The following CNTFR variants were observed in gnomAD, a reference collection of about 807,000 sequenced individuals.
CNTFR encodes ciliary neurotrophic factor receptor.
Under a neutral mutation model 40.4 loss-of-function variants are expected in CNTFR, and 12 were observed. That is an observed-to-expected ratio of 0.30 (90% confidence interval 0.19 to 0.48). The LOEUF (loss-of-function observed/expected upper bound fraction) is 0.48, where lower values mean the gene tolerates loss of function less well. CNTFR is among the 20% of genes least tolerant of loss of function. The pLI is 0.99. For synonymous variants in CNTFR, 202 were observed against 209.6 expected (o/e 0.96, Z 0.31); for missense variants, 414 against 506.8 (o/e 0.82, Z 1.76).
At chr9:34,556,024 C>G (rs73500901) in intron 7 of CNTFR, among the ~76,000 whole-genome samples, 18,134 of 149,820 alleles carry the variant, frequency 0.12, 1,266 homozygotes, top group Middle Eastern at 0.18. Context: ...CCCCAGGGAG[C>G]CACAGAAAGA....
intron 2 of CNTFR, among the ~76,000 whole-genome samples, chr9:34,578,295 G>T (rs979751657): frequency 6.6e-6 from 1 of 152,236 alleles, no homozygotes; most frequent in African/African-American, 2.4e-5. Context: ...AAGCGAGCTA[G>T]CGGAGGGAGA....
chr9:34,572,648 G>A (rs1468351985), intron 2 of CNTFR, among the ~76,000 whole-genome samples: 4 of 152,060 alleles, frequency 2.6e-5, no homozygotes, highest in Non-Finnish European at 5.9e-5. Context: ...TCAAATTCTG[G>A]GGCCCCAACT....
chr9:34,574,295 C>T (rs1435639866), intron 2 of CNTFR, among the ~76,000 whole-genome samples: 2 of 152,196 alleles, frequency 1.3e-5, no homozygotes, highest in Admixed American at 6.5e-5. Flanking sequence ...GTGTTTCTCC[C>T]TCCTGTCTCC....
At chr9:34,554,648 C>T (rs1825764497) in intron 7 of CNTFR, among the ~76,000 whole-genome samples, 1 of 152,188 alleles carries the variant, frequency 6.6e-6, no homozygotes. Flanking sequence ...TACTTGCCTC[C>T]CTCTTGTCCA....
chr9:34,564,570 G>A (rs1238460476), intron 4 of CNTFR, 29 bp downstream of exon 4: 2 of 1,569,392 alleles, frequency 1.3e-6, no homozygotes, highest in African/African-American at 1.3e-5. Context: ...AAGGAGGGAG[G>A]CTGGATGAGG....
intron 2 of CNTFR, among the ~76,000 whole-genome samples, chr9:34,574,721 T>C (rs1327581549): frequency 6.6e-6 from 1 of 152,250 alleles, no homozygotes; most frequent in Non-Finnish European, 1.5e-5. Context: ...GATGGGGTCC[T>C]GGAGGGGACA....
intron 1 of CNTFR, among the ~76,000 whole-genome samples, chr9:34,587,041 G>A (rs1402596771): frequency 3.3e-5 from 5 of 152,154 alleles, no homozygotes; most frequent in African/African-American, 7.2e-5. Context: ...TAAGTGTCAC[G>A]GTCTAATGTC....
chr9:34,563,457 C>T (rs549006887), intron 4 of CNTFR, among the ~76,000 whole-genome samples: 26 of 152,354 alleles, frequency 1.7e-4, no homozygotes, highest in Non-Finnish European at 2.8e-4. Flanking sequence ...TAACCTCAGT[C>T]GCCAAGAGGC....
intron 7 of CNTFR, among the ~76,000 whole-genome samples, chr9:34,554,026 C>G (rs1825739128): frequency 6.6e-6 from 1 of 152,160 alleles, no homozygotes; most frequent in South Asian, 2.1e-4. Flanking sequence ...GGGCAGGAAG[C>G]CCCTCCAGTT....
chr9:34,575,748 CA>C, intron 2 of CNTFR, among the ~76,000 whole-genome samples: 1 of 125,942 alleles, frequency 7.9e-6, no homozygotes. Flanking sequence ...CGGCTTATAA[CA>C]AAAAAAACCT....
Position 34,552,398 on chromosome 9 carries a change from G to A in CNTFR, c.950-69C>T, listed in dbSNP as rs1825668411. The A allele has an allele frequency of 1.4e-6, 2 of 1,437,262 alleles. No homozygotes were observed. Among genetic ancestry groups the A allele is most frequent in the East Asian group, 2.5e-5 (1 of 40,258 alleles). 89.0% of individuals were successfully genotyped at this position (1,437,262 alleles called of 1,614,324 possible). A position where few individuals can be genotyped will look rare whatever the true frequency, so the allele number is the denominator to read the frequency against. ...CCCATCCAGATCTGGGGGCTCATGA[G>A]ACATACCATTCTGCTTCCTGCATCA... On this transcript the variant is annotated intron_variant, in intron 8 of 9. Transcript: ENST00000378980. The surrounding 1 kb of genome is among the most constrained non-coding windows in gnomAD (Gnocchi z 5.1).
chr9:34,560,430 C>T (rs1259196817), intron 4 of CNTFR, among the ~76,000 whole-genome samples: 1 of 152,188 alleles, frequency 6.6e-6, no homozygotes, highest in East Asian at 1.9e-4. Flanking sequence ...TCGAGACTGT[C>T]TCTATGTGCT....
intron 2 of CNTFR, among the ~76,000 whole-genome samples, chr9:34,576,980 G>A (rs1306397600): frequency 2.0e-5 from 3 of 152,192 alleles, no homozygotes; most frequent in South Asian, 2.1e-4. Context: ...CAGCCCCCCA[G>A]CCCCCACCAA....
intron 7 of CNTFR, among the ~76,000 whole-genome samples, chr9:34,556,011 C>CG (rs1247695075): frequency 4.0e-5 from 6 of 149,276 alleles, no homozygotes; most frequent in Non-Finnish European, 7.4e-5. Context: ...TTTCTCTCCA[C>CG]GACCCCAGGG....
At chr9:34,553,642 T>C (rs1016010814) in intron 7 of CNTFR, among the ~76,000 whole-genome samples, 10 of 152,132 alleles carry the variant, frequency 6.6e-5, no homozygotes, top group African/African-American at 2.4e-4. Flanking sequence ...CCCCTGGAGC[T>C]GCAGGGCGCA....
At chr9:34,559,660 G>A (rs1348858968) in intron 4 of CNTFR, among the ~76,000 whole-genome samples, 1 of 152,134 alleles carries the variant, frequency 6.6e-6, no homozygotes, top group Non-Finnish European at 1.5e-5. Context: ...AGTGCCTTCT[G>A]GGGGCCTGTT....
chr9:34,568,943 A>AAGCAC lies in CNTFR; in HGVS notation c.34_38dup (p.Ala14CysfsTer31). 6.2e-7 allele frequency: 1 copy of AAGCAC among 1,602,290 alleles called. No homozygotes were observed. The highest frequency in any genetic ancestry group is 8.5e-7 in the Non-Finnish European group (1 of 1,174,832). ...CGTAGACAACTGCGGCGGCGGCGGC[A>AAGCAC]AGCACAGCACAGCAGGCCCACGGGA... On this transcript the variant is annotated frameshift_variant, in exon 3 of 10. Transcript: ENST00000378980. LOFTEE classifies it high-confidence loss of function.
rs763053749 is a variant in CNTFR at position 34,564,836 on chromosome 9, TG to T, written c.86-5del. ...TCGTACTGCACATGGGGTGCCTCTG[TG>T]GGGGGTGGGGGCACAGGGCAAAAGT... is the stretch of plus-strand genomic sequence containing the variant. On this transcript the variant is annotated splice_region_variant and splice_polypyrimidine_tract_variant and intron_variant, in intron 3 of 9. Transcript: ENST00000378980. 23 of 1,611,722 alleles carry T rather than the reference TG, an allele frequency of 1.4e-5. No homozygotes were observed. The African/African-American group carries it at 3.1e-4, about 22-fold the overall frequency.
intron 2 of CNTFR, among the ~76,000 whole-genome samples, chr9:34,576,212 A>G (rs1333042159): frequency 6.6e-6 from 1 of 152,218 alleles, no homozygotes; most frequent in Non-Finnish European, 1.5e-5. Context: ...GTGGCCACAC[A>G]TCAGGGCCTC....
Sources: gnomAD v4.1 joint callset for allele counts (sites outside exome capture counted in the v4.1 genomes callset) on GRCh38, gnomAD v4.1.1 for gene constraint, Gnocchi (gnomAD v3.1) non-coding constraint, MANE v1.5 for transcripts, NCBI Gene and HGNC (gene_info 2026-07-23, HGNC 2026-07-21) for gene names.